Variants in PLEKHH1 observed in about 807,000 individuals in gnomAD.
PLEKHH1 encodes pleckstrin homology, MyTH4 and FERM domain containing H1.
A neutral mutation model predicts 160.0 loss-of-function variants in PLEKHH1; 104 were observed. That is an observed-to-expected ratio of 0.65 (90% CI 0.55 to 0.76). PLEKHH1 has a LOEUF of 0.76. Among genes scored for constraint, PLEKHH1 ranks in the 30% least tolerant of loss-of-function variants. PLEKHH1 has a pLI of 0.00. For synonymous variants in PLEKHH1, 619 were observed against 678.4 expected (o/e 0.91, Z 1.36); for missense variants, 1,427 against 1,724.1 (o/e 0.83, Z 3.05).
chr14:67,578,341 G>A lies in PLEKHH1; in HGVS notation c.2751+142G>A, dbSNP rs146194159. ...CTGTGCTCCAAGCTGCATCAGTACGGCTGAGCTGTCTATGCACAGATGGGT... is the reference window on the plus strand; with the variant it reads ...CTGTGCTCCAAGCTGCATCAGTACGACTGAGCTGTCTATGCACAGATGGGT... On this transcript the variant is annotated intron_variant, in intron 19 of 28. Coordinates refer to ENST00000329153, the MANE Select transcript of PLEKHH1 (RefSeq NM_020715.3). This position sits in a 1 kb window ranked among gnomAD's most constrained non-coding sequence, Gnocchi z 5.0. 1,008 of 805,820 alleles carry A rather than the reference G, an allele frequency of 1.3e-3. 8 individuals are homozygous for A. The highest frequency in any genetic ancestry group is 1.7e-3 in the Non-Finnish European group (827 of 492,140). 49.9% of individuals were successfully genotyped at this position (805,820 alleles called of 1,614,324 possible).
intron 1 of PLEKHH1, among the ~76,000 whole-genome samples, chr14:67,536,946 A>G (rs1160682367): frequency 1.3e-5 from 2 of 151,516 alleles, no homozygotes; most frequent in Admixed American, 1.3e-4. Flanking sequence ...AGGCTGAGGC[A>G]GGAAAATTGT....
At position 67,586,216 on chromosome 14, in the gene PLEKHH1, G is replaced by A. The variant is rs1241372542; in HGVS notation, c.3933+119G>A. ...AGGGCCCTGCCCAGATAAAATTGTT[G>A]GTCTTGTCTGTAATTAGTATTCCAA... On this transcript the variant is annotated intron_variant, in intron 28 of 28. Coordinates refer to ENST00000329153, the MANE Select transcript of PLEKHH1 (RefSeq NM_020715.3). 3.2e-6 allele frequency: 4 copies of A among 1,252,252 alleles called. No homozygotes were observed. In the African/African-American group the frequency reaches 4.4e-5, roughly 14 times the overall value. 77.6% of individuals were successfully genotyped at this position (1,252,252 alleles called of 1,614,324 possible).
rs1015958592 is a variant in PLEKHH1 at position 67,545,009 on chromosome 14, G to A, written c.126+3016G>A. ...CCAGGGTAAGTTTTTAAAAATCACAGTTTGGTTAGATCATTGTTTGGCTGC... is the reference window on the plus strand; with the variant it reads ...CCAGGGTAAGTTTTTAAAAATCACAATTTGGTTAGATCATTGTTTGGCTGC... On this transcript the variant is annotated intron_variant, in intron 2 of 28. Coordinates refer to ENST00000329153, the MANE Select transcript of PLEKHH1 (RefSeq NM_020715.3). 8.5e-5 allele frequency among the ~76,000 whole-genome samples: 13 copies of A among 152,218 alleles called. 1 individual carries two copies. Among genetic ancestry groups the A allele is most frequent in the Non-Finnish European group, 1.6e-4 (11 of 68,046 alleles).
intron 3 of PLEKHH1, 56 bp from the exon 4 acceptor site, chr14:67,557,213 A>G: frequency 6.6e-7 from 1 of 1,517,462 alleles, no homozygotes; most frequent in Non-Finnish European, 9.1e-7. Context: ...GTTACTGGCC[A>G]CTGCACACCC....
chr14:67,534,221 G>A (rs1025072599), intron 1 of PLEKHH1, among the ~76,000 whole-genome samples: 2 of 152,060 alleles, frequency 1.3e-5, no homozygotes, highest in African/African-American at 4.8e-5. Context: ...ATAGAACATC[G>A]GTATTAGTGT....
intron 2 of PLEKHH1, among the ~76,000 whole-genome samples, chr14:67,548,622 G>A (rs1242426975): frequency 6.6e-6 from 1 of 152,178 alleles, no homozygotes. Context: ...ACTTGAAACC[G>A]GGAGGCAGAG....
At chr14:67,552,886 T>A (rs1037616499) in intron 2 of PLEKHH1, among the ~76,000 whole-genome samples, 2 of 152,180 alleles carry the variant, frequency 1.3e-5, no homozygotes, top group African/African-American at 4.8e-5. Context: ...CCCCAGGCTC[T>A]GAAAAGTGCC....
chr14:67,553,400 C>A (rs547520555), intron 2 of PLEKHH1, among the ~76,000 whole-genome samples: 1 of 152,092 alleles, frequency 6.6e-6, no homozygotes, highest in Non-Finnish European at 1.5e-5. Flanking sequence ...CAAAACCCAA[C>A]TCTGTCTGGC....
intron 2 of PLEKHH1, among the ~76,000 whole-genome samples, chr14:67,551,542 C>T (rs2034391076): frequency 6.6e-6 from 1 of 152,114 alleles, no homozygotes; most frequent in Non-Finnish European, 1.5e-5. Context: ...GTGGTGGAGT[C>T]AGTGAGGTTC....
chr14:67,565,219 GTAGT>G (rs1344297321), intron 7 of PLEKHH1, among the ~76,000 whole-genome samples: 1 of 152,032 alleles, frequency 6.6e-6, no homozygotes, highest in Non-Finnish European at 1.5e-5. Context: ...AGGTCATGTA[GTAGT>G]TAGTGAGGGA....
chr14:67,571,923 G>T (rs757371059), intron 10 of PLEKHH1, 21 bp downstream of exon 10: 1 of 1,593,050 alleles, frequency 6.3e-7, no homozygotes, highest in Non-Finnish European at 8.6e-7. Flanking sequence ...GGGGAGCAGG[G>T]GCAGGGTGCA....
At chr14:67,555,385 G>A (rs1374344000) in intron 2 of PLEKHH1, among the ~76,000 whole-genome samples, 1 of 152,228 alleles carries the variant, frequency 6.6e-6, no homozygotes, top group Non-Finnish European at 1.5e-5. Context: ...TATTCTGAGT[G>A]GGGAGAAGTG....
At position 67,555,846 on chromosome 14, in the gene PLEKHH1, C is replaced by G. The variant is rs533080177; in HGVS notation, c.148C>G (p.Leu50Val). The change falls in exon 3 of 29, where the codon CTG (leucine) becomes GTG (valine). Residue 50 changes from leucine (L) to valine (V), a missense_variant. Around this residue, in one of 6 missense-constraint regions of PLEKHH1, gnomAD observed 831 missense variants for 929.2 expected, o/e 0.89. Coordinates refer to ENST00000329153, the MANE Select transcript of PLEKHH1 (RefSeq NM_020715.3). ...GCAGATGCAGGAGCTGGAGCAGAGG[C>G]TGCTGGAGGCAGAGCAGAGAGCAGA... ...ADKMQELEQRLLEAEQRAENA... is the reference protein window; with the variant it reads ...ADKMQELEQRVLEAEQRAENA... The G allele has an allele frequency of 1.2e-6, 2 of 1,613,342 alleles. No homozygotes were observed. Among genetic ancestry groups the G allele is most frequent in the Non-Finnish European group, 1.7e-6 (2 of 1,179,584 alleles).
At position 67,573,803 on chromosome 14, in the gene PLEKHH1, T is replaced by A; in HGVS notation, c.1842T>A (p.Ser614Arg). 2 of 1,607,242 alleles carry A rather than the reference T, an allele frequency of 1.2e-6. No homozygotes were observed. Among genetic ancestry groups the A allele is most frequent in the Non-Finnish European group, 1.7e-6 (2 of 1,173,820 alleles). The change falls in exon 13 of 29, where the codon AGT becomes AGA. Residue 614 changes from serine to arginine, a missense_variant and splice_region_variant. Ser to Arg is a moderately radical substitution (Grantham distance 110). Coordinates refer to ENST00000329153, the MANE Select transcript of PLEKHH1 (RefSeq NM_020715.3). The surrounding 1 kb of genome is among the most constrained non-coding windows in gnomAD (Gnocchi z 4.8). ...QGQIMYYKSP[S>R]DVIRKPQGQV... ...CCTCTCCAATACTTTCTTTACAGAG[T>A]GATGTCATCCGGAAACCTCAAGGCC...
Position 67,573,212 on chromosome 14 carries a change from T to C in PLEKHH1, c.1729-64T>C. The C allele has an allele frequency of 1.0e-6, 1 of 996,004 alleles. No individual in the cohort carries two copies. Among genetic ancestry groups the C allele is most frequent in the Middle Eastern group, 2.1e-4 (1 of 4,874 alleles). The allele number at this position is 996,004 out of a possible 1,614,324, so 61.7% of individuals were successfully genotyped here. A position where few individuals can be genotyped will look rare whatever the true frequency, so the allele number is the denominator to read the frequency against. ...GTGAGGCAGCTGGACCACTTGGACC[T>C]GTGTGATGTCTAGGAGCCCTGAGTG... On this transcript the variant is annotated intron_variant, in intron 11 of 28. Coordinates refer to ENST00000329153, the MANE Select transcript of PLEKHH1 (RefSeq NM_020715.3). This position sits in a 1 kb window ranked among gnomAD's most constrained non-coding sequence, Gnocchi z 4.8.
rs377156223 is a variant in PLEKHH1 at position 67,583,718 on chromosome 14, C to T, written c.3427-23C>T. ...CATCCACTGTCAGATTTTGACTGGT[C>T]TCTTCATATGCTTCTACCACAGGTA... On this transcript the variant is annotated intron_variant, in intron 24 of 28. Coordinates refer to ENST00000329153, the MANE Select transcript of PLEKHH1 (RefSeq NM_020715.3). The T allele has an allele frequency of 2.9e-5, 46 of 1,596,278 alleles. No homozygotes were observed. The East Asian group carries it at 5.4e-4, about 19-fold the overall frequency.
Position 67,589,046 on chromosome 14 carries a change from A to C in PLEKHH1, c.*1811A>C, listed in dbSNP as rs568504570. 140 of 152,802 alleles carry C rather than the reference A, an allele frequency of 9.2e-4. 2 individuals carry two copies. Among genetic ancestry groups the C allele is most frequent in the Non-Finnish European group, 1.5e-3 (104 of 68,064 alleles). The allele number at this position is 152,802 out of a possible 1,614,324, so 9.5% of individuals were successfully genotyped here. A position where few individuals can be genotyped will look rare whatever the true frequency, so the allele number is the denominator to read the frequency against. ...AGTCACATGTACCACAGGTTCCTGA[A>C]TAATTCCTGCAGGGCTGGTGACAGA... is the stretch of plus-strand genomic sequence containing the variant. On this transcript the variant is annotated 3_prime_UTR_variant, in exon 29 of 29. Coordinates refer to ENST00000329153, the MANE Select transcript of PLEKHH1 (RefSeq NM_020715.3).
At chr14:67,571,988 C>T in intron 10 of PLEKHH1, 86 bp downstream of exon 10, 1 of 1,509,886 alleles carries the variant, frequency 6.6e-7, no homozygotes, top group Non-Finnish European at 9.0e-7. Context: ...GGCGTCCCCA[C>T]TTGATCTGAG....
chr14:67,566,542 C>T (rs1184761492), intron 7 of PLEKHH1, among the ~76,000 whole-genome samples: 1 of 151,434 alleles, frequency 6.6e-6, no homozygotes, highest in Non-Finnish European at 1.5e-5. Context: ...CTCAGAAGTT[C>T]AAGACCAACC....
Sources: allele counts gnomAD v4.1 joint callset (sites outside exome capture counted in the v4.1 genomes callset), GRCh38; gene constraint gnomAD v4.1.1; regional missense constraint gnomAD v4.1.1; non-coding constraint Gnocchi (gnomAD v3.1); transcripts MANE v1.5; gene names NCBI Gene and HGNC (gene_info 2026-07-23, HGNC 2026-07-21).